The following SPOP variants were observed in gnomAD, a reference collection of about 807,000 sequenced individuals.
SPOP encodes speckle type BTB/POZ protein.
A neutral mutation model predicts 45.6 loss-of-function variants in SPOP; 11 were observed. The observed-to-expected ratio is 0.24, with a 90% confidence interval of 0.15 to 0.40. SPOP has a LOEUF of 0.40. SPOP is among the 10% of genes least tolerant of loss of function. The probability of loss-of-function intolerance (pLI) is 1.00; values close to 1 mark genes in which losing one functional copy is unlikely to be tolerated. For missense variants in SPOP, 152 were observed against 465.6 expected (o/e 0.33, Z 6.20); for synonymous variants, 166 against 166.3 (o/e 1.00, Z 0.01).
chr17:49,672,883 G>T (rs928921922), intron 1 of SPOP, among the ~76,000 whole-genome samples: 6 of 151,880 alleles, frequency 4.0e-5, no homozygotes, highest in Non-Finnish European at 8.8e-5. Context: ...GGACGCAAAG[G>T]TTGCAGTGAG....
chr17:49,622,228 T>C, intron 2 of SPOP, 161 bp from the exon 3 acceptor site: 1 of 887,426 alleles, frequency 1.1e-6, no homozygotes, highest in Non-Finnish European at 1.8e-6. Flanking sequence ...ATCCACATTT[T>C]AAGAAATCTC....
At chr17:49,602,069 A>C in intron 8 of SPOP, 62 bp from the exon 9 acceptor site, 1 of 1,582,810 alleles carries the variant, frequency 6.3e-7, no homozygotes, top group Non-Finnish European at 8.6e-7. Context: ...CCACTACTGA[A>C]GCTGTTTTCT....
intron 1 of SPOP, among the ~76,000 whole-genome samples, chr17:49,633,857 AG>A (rs2072495560): frequency 2.0e-5 from 3 of 152,140 alleles, no homozygotes; most frequent in Admixed American, 2.0e-4. Flanking sequence ...ACAACATCAG[AG>A]GAAAAAATTC....
intron 1 of SPOP, among the ~76,000 whole-genome samples, chr17:49,638,279 G>A (rs1469449677): frequency 6.6e-6 from 1 of 152,072 alleles, no homozygotes; most frequent in African/African-American, 2.4e-5. Flanking sequence ...ATAAATCATG[G>A]GTAAATGATT....
intron 2 of SPOP, chr17:49,622,395 G>C: frequency 1.9e-6 from 1 of 519,192 alleles, no homozygotes; most frequent in South Asian, 1.9e-5. Context: ...ATGGGTCTCT[G>C]TTATTAAAAT....
chr17:49,616,813 G>A lies in SPOP; in HGVS notation c.480+2168C>T, dbSNP rs551359180. ...ACACCTGGTTCGATGGTAAGAAACC[G>A]ATGGCATCAGCAGAACCCAGCAGAC... On this transcript the variant is annotated intron_variant, in intron 5 of 9. Transcript: ENST00000504102. Among the ~76,000 whole-genome samples the A allele has an allele frequency of 9.8e-5, 15 of 152,324 alleles. No individual in the cohort carries two copies. The South Asian group carries it at 1.5e-3, about 15-fold the overall frequency.
In SPOP at chr17:49,607,027, T is replaced by C. The variant is rs562908265; in HGVS notation, c.837+223A>G. The C allele has an allele frequency of 5.0e-5, 22 of 440,482 alleles. 1 individual carries two copies. The highest frequency in any genetic ancestry group is 1.8e-4 in the African/African-American group (9 of 49,160). The allele number at this position is 440,482 out of a possible 1,614,324, so 27.3% of individuals were successfully genotyped here. A position where few individuals can be genotyped will look rare whatever the true frequency, so the allele number is the denominator to read the frequency against. Reference sequence around the variant, plus strand: ...AAGTCAAACTTATCCTTCTTTCCCATAGTTAGGTGATCATATAGTTTACTA... The same window carrying C: ...AAGTCAAACTTATCCTTCTTTCCCACAGTTAGGTGATCATATAGTTTACTA... On this transcript the variant is annotated intron_variant, in intron 8 of 9. Transcript: ENST00000504102.
chr17:49,648,412 C>T (rs977475612), intron 1 of SPOP, among the ~76,000 whole-genome samples: 8 of 152,220 alleles, frequency 5.3e-5, no homozygotes, highest in Non-Finnish European at 1.2e-4. Flanking sequence ...TTTCTACAAA[C>T]AAGCCAAGAT....
chr17:49,626,481 G>C (rs2072333536), intron 1 of SPOP, among the ~76,000 whole-genome samples: 1 of 152,038 alleles, frequency 6.6e-6, no homozygotes, highest in Admixed American at 6.6e-5. Flanking sequence ...GGTCACCTGA[G>C]GTCAGGAGTT....
At chr17:49,670,611 G>A (rs986487689) in intron 1 of SPOP, among the ~76,000 whole-genome samples, 5 of 152,124 alleles carry the variant, frequency 3.3e-5, no homozygotes, top group Admixed American at 6.6e-5. Flanking sequence ...AGTCCACTCC[G>A]AAACCCACTT....
chr17:49,618,637 T>A (rs2072141883), intron 5 of SPOP: 2 of 458,810 alleles, frequency 4.4e-6, no homozygotes, highest in Non-Finnish European at 8.5e-6. Flanking sequence ...CCAGAAAGTA[T>A]AAACAACAGA....
intron 1 of SPOP, among the ~76,000 whole-genome samples, chr17:49,665,662 A>ACACG (rs2073047463): frequency 1.0e-5 from 1 of 98,916 alleles, no homozygotes; most frequent in Non-Finnish European, 2.2e-5. Flanking sequence ...ACACACACAC[A>ACACG]CACACACACA....
chr17:49,601,737 A>C, intron 9 of SPOP, 128 bp downstream of exon 9: 1 of 1,215,792 alleles, frequency 8.2e-7, no homozygotes, highest in Non-Finnish European at 1.1e-6. Context: ...GAAAAGATGA[A>C]AACTCTATTC....
intron 1 of SPOP, among the ~76,000 whole-genome samples, chr17:49,641,092 G>A (rs1479683411): frequency 4.0e-5 from 6 of 151,600 alleles, no homozygotes; most frequent in Non-Finnish European, 5.9e-5. Flanking sequence ...GTGAAACCCC[G>A]TCTCTACTAA....
chr17:49,637,833 A>T (rs1321807730), intron 1 of SPOP, among the ~76,000 whole-genome samples: 1 of 152,244 alleles, frequency 6.6e-6, no homozygotes, highest in Non-Finnish European at 1.5e-5. Context: ...GGTAAATTAC[A>T]CCAAAGCAAG....
Position 49,678,055 on chromosome 17 carries a change from T to TCA in SPOP, c.-191_-190dup, listed in dbSNP as rs752650296. The TCA allele has an allele frequency of 1.6e-4, 64 of 395,652 alleles. 1 individual carries two copies. Among genetic ancestry groups the TCA allele is most frequent in the East Asian group, 9.0e-4 (25 of 27,900 alleles). 24.5% of individuals were successfully genotyped at this position (395,652 alleles called of 1,614,324 possible). ...ACACACACACTCGGAGCGCGCACAC[T>TCA]CACACACACACATACACACCGACAC... On this transcript the variant is annotated 5_prime_UTR_variant, in exon 1 of 10. It introduces an in-frame stop codon into an upstream open reading frame of the 5' UTR. Coordinates refer to ENST00000504102, the MANE Select transcript of SPOP (RefSeq NM_001007228.2).
Position 49,676,365 on chromosome 17 carries a change from T to C in SPOP, c.-67+1568A>G, listed in dbSNP as rs2044166. Among the ~76,000 whole-genome samples, 616 of 152,244 alleles carry C rather than the reference T, an allele frequency of 4.0e-3. 4 individuals carry two copies. The highest frequency in any genetic ancestry group is 0.014 in the African/African-American group (589 of 41,534). On this transcript the variant is annotated intron_variant, in intron 1 of 9. Coordinates refer to ENST00000504102, the MANE Select transcript of SPOP (RefSeq NM_001007228.2). ...CTGTTCCCTGTGTGTCATCTCTTGG[T>C]TCTAACTGTAACCATGGCAACAGGA...
chr17:49,617,241 C>T (rs2072107816), intron 5 of SPOP, among the ~76,000 whole-genome samples: 1 of 152,194 alleles, frequency 6.6e-6, no homozygotes, highest in African/African-American at 2.4e-5. Flanking sequence ...CTTTCATTTC[C>T]AATAGAAACT....
At chr17:49,602,247 C>T (rs1377508170) in intron 8 of SPOP, 4 of 400,432 alleles carry the variant, frequency 1.0e-5, no homozygotes, top group Non-Finnish European at 1.8e-5. Context: ...CTAAAGTCTA[C>T]CTATTAGAAA....
Sources: gnomAD v4.1 joint callset for allele counts (sites outside exome capture counted in the v4.1 genomes callset) on GRCh38, gnomAD v4.1.1 for gene constraint, MANE v1.5 for transcripts, NCBI Gene and HGNC (gene_info 2026-07-23, HGNC 2026-07-21) for gene names.